The following TEAD4 variants were observed in gnomAD, a reference collection of about 807,000 sequenced individuals.
TEAD4 encodes TEA domain transcription factor 4, also known as transcriptional enhancer factor TEF-3.
A neutral mutation model predicts 52.4 loss-of-function variants in TEAD4; 36 were observed. The ratio of observed to expected loss-of-function variants is 0.69; its 90% CI spans 0.53 to 0.91. TEAD4 has a LOEUF of 0.91. Ranked by LOEUF, TEAD4 falls within the 40% of genes least tolerant of loss-of-function variation. The pLI is 0.00. For missense variants in TEAD4, 508 were observed against 583.9 expected (o/e 0.87, Z 1.34); for synonymous variants, 220 against 231.0 (o/e 0.95, Z 0.43).
At chr12:3,023,668 G>A (rs2098270178) in intron 10 of TEAD4, among the ~76,000 whole-genome samples, 1 of 151,190 alleles carries the variant, frequency 6.6e-6, no homozygotes, top group African/African-American at 2.4e-5. Context: ...GCACACGCCT[G>A]TAATCCCAGC....
chr12:3,037,950 C>T lies in TEAD4; in HGVS notation c.898-18C>T, dbSNP rs774634434. ...GCACCTGCTGACACTCCCTCGCCTT[C>T]CCACTGTCTCCCTCCAGGCAGACCT... is the stretch of plus-strand genomic sequence containing the variant. On this transcript the variant is annotated intron_variant, in intron 10 of 12. Transcript: ENST00000359864. The T allele has an allele frequency of 1.2e-6, 2 of 1,605,918 alleles. No individual in the cohort carries two copies. Among genetic ancestry groups the T allele is most frequent in the South Asian group, 2.2e-5 (2 of 90,458 alleles).
chr12:2,983,747 A>G (rs1315686824), intron 2 of TEAD4, among the ~76,000 whole-genome samples: 3 of 152,224 alleles, frequency 2.0e-5, no homozygotes, highest in Admixed American at 6.5e-5. Context: ...GCACAGAGCA[A>G]TCTGTTCTCC....
chr12:2,987,420 G>C (rs1279789209), intron 2 of TEAD4, among the ~76,000 whole-genome samples: 1 of 2,470 alleles, frequency 4.0e-4, no homozygotes, highest in Non-Finnish European at 1.8e-3. Flanking sequence ...TTTTTTGTTT[G>C]TTTTGTTTTG....
chr12:2,961,008 G>T (rs910040766), intron 2 of TEAD4, among the ~76,000 whole-genome samples: 2 of 152,004 alleles, frequency 1.3e-5, no homozygotes, highest in African/African-American at 4.8e-5. Context: ...AGGGTCTTGT[G>T]CTTGCCTGGA....
intron 6 of TEAD4, 47 bp from the exon 7 acceptor site, chr12:3,018,498 C>T (rs370603196): frequency 1.4e-5 from 22 of 1,613,162 alleles, no homozygotes; most frequent in African/African-American, 4.0e-5. Context: ...CACAGGGCCC[C>T]GGGTGCACCT....
intron 11 of TEAD4, among the ~76,000 whole-genome samples, chr12:3,038,498 G>T (rs916273051): frequency 1.3e-5 from 2 of 152,236 alleles, no homozygotes; most frequent in African/African-American, 4.8e-5. Flanking sequence ...CATTAGTGCA[G>T]AAGCAGGGCT....
At chr12:2,963,078 T>C (rs2098217183) in intron 2 of TEAD4, among the ~76,000 whole-genome samples, 1 of 152,136 alleles carries the variant, frequency 6.6e-6, no homozygotes, top group Non-Finnish European at 1.5e-5. Flanking sequence ...GAAGGAGCCA[T>C]CTCACTGTAG....
At chr12:3,028,261 T>G (rs1224375917) in intron 10 of TEAD4, among the ~76,000 whole-genome samples, 3 of 152,234 alleles carry the variant, frequency 2.0e-5, no homozygotes, top group Admixed American at 6.5e-5. Flanking sequence ...GGAGTAGTGC[T>G]ACTGTGAACA....
In TEAD4 at chr12:3,021,828, C is replaced by T; in HGVS notation, c.724-16C>T. ...TGGCCTGTGCTCCGTCTCCCTCAGA[C>T]CCACTCTCTCCACAGTACAACAAGC... is the stretch of plus-strand genomic sequence containing the variant. On this transcript the variant is annotated splice_polypyrimidine_tract_variant and intron_variant, in intron 9 of 12. Coordinates refer to ENST00000359864, the MANE Select transcript of TEAD4 (RefSeq NM_003213.4). 1 of 1,612,460 alleles carries T rather than the reference C, an allele frequency of 6.2e-7. No individual in the cohort carries two copies. The highest frequency in any genetic ancestry group is 8.5e-7 in the Non-Finnish European group (1 of 1,178,886).
chr12:3,010,807 G>A (rs2098259685), intron 3 of TEAD4, among the ~76,000 whole-genome samples, 197 bp from the exon 4 acceptor site: 2 of 152,196 alleles, frequency 1.3e-5, no homozygotes, highest in Non-Finnish European at 2.9e-5. Context: ...TCCCCACAGT[G>A]AGGCCTTGTC....
chr12:2,970,148 T>C (rs1318608810), intron 2 of TEAD4, among the ~76,000 whole-genome samples: 1 of 152,232 alleles, frequency 6.6e-6, no homozygotes, highest in African/African-American at 2.4e-5. Context: ...CATTTTAACG[T>C]AATCAATAGT....
At chr12:3,039,136 C>T (rs1436817014) in intron 11 of TEAD4, among the ~76,000 whole-genome samples, 7 of 152,218 alleles carry the variant, frequency 4.6e-5, no homozygotes, top group African/African-American at 7.2e-5. Flanking sequence ...AGTGCTTCTC[C>T]GCCTGGCTGC....
chr12:2,969,282 G>A (rs1027709033), intron 2 of TEAD4, among the ~76,000 whole-genome samples: 6 of 152,198 alleles, frequency 3.9e-5, no homozygotes, highest in Non-Finnish European at 8.8e-5. Context: ...CATGCGTTGT[G>A]TTAGGTATGA....
chr12:3,021,858 G>T lies in TEAD4; in HGVS notation c.738G>T (p.Leu246=). The T allele has an allele frequency of 6.2e-7, 1 of 1,614,178 alleles. No homozygotes were observed. Among genetic ancestry groups the T allele is most frequent in the East Asian group, 2.2e-5 (1 of 44,884 alleles). Residue 246 remains leucine (L), a synonymous_variant, in exon 10 of 13, where the codon CTG becomes CTT. Coordinates refer to ENST00000359864, the MANE Select transcript of TEAD4 (RefSeq NM_003213.4). ...TCTCTCCACAGTACAACAAGCACCT[G>T]TTCGTGCACATTGGCCAGTCCAGCC...
chr12:2,971,656 T>C (rs2153952796), intron 2 of TEAD4, among the ~76,000 whole-genome samples: 1 of 150,858 alleles, frequency 6.6e-6, no homozygotes, highest in South Asian at 2.1e-4. Context: ...TTTGTATTTT[T>C]AGTAGAGACG....
chr12:2,972,874 AGT>A (rs753156040), intron 2 of TEAD4, among the ~76,000 whole-genome samples: 62 of 152,186 alleles, frequency 4.1e-4, no homozygotes, highest in Non-Finnish European at 7.6e-4. Context: ...AGCAAAATAC[AGT>A]GTTTTTGGTA....
At chr12:2,986,860 G>A (rs954257266) in intron 2 of TEAD4, among the ~76,000 whole-genome samples, 1 of 152,118 alleles carries the variant, frequency 6.6e-6, no homozygotes, top group Non-Finnish European at 1.5e-5. Context: ...CACTGCCATG[G>A]TAGGATGGCT....
At chr12:2,964,921 G>C (rs1370179265) in intron 2 of TEAD4, among the ~76,000 whole-genome samples, 1 of 152,086 alleles carries the variant, frequency 6.6e-6, no homozygotes, top group Non-Finnish European at 1.5e-5. Context: ...TGTGAGTCAG[G>C]CCACACAAGC....
intron 5 of TEAD4, among the ~76,000 whole-genome samples, chr12:3,012,833 G>GGTGAACACTGGGAGGGA (rs1274468334): frequency 4.6e-5 from 7 of 152,200 alleles, no homozygotes; most frequent in Non-Finnish European, 8.8e-5. Flanking sequence ...GGGGCCTTTG[G>GGTGAACACTGGGAGGGA]GTGAACACTG....
Sources: gnomAD v4.1 joint callset for allele counts (sites outside exome capture counted in the v4.1 genomes callset) on GRCh38, gnomAD v4.1.1 for gene constraint, MANE v1.5 for transcripts, NCBI Gene and HGNC (gene_info 2026-07-23, HGNC 2026-07-21) for gene names.